The following RBFOX3 variants were observed in gnomAD, a reference collection of about 807,000 sequenced individuals.
RBFOX3 encodes RNA binding protein fox-1 homolog 3.
Under a neutral mutation model 48.7 loss-of-function variants are expected in RBFOX3, and 17 were observed. The observed-to-expected ratio is 0.35, with a 90% CI of 0.24 to 0.52. RBFOX3 has a LOEUF of 0.52. Ranked by LOEUF, RBFOX3 falls within the 20% of genes least tolerant of loss-of-function variation. The pLI is 0.94. For missense variants in RBFOX3, 382 were observed against 497.5 expected (o/e 0.77, Z 2.21); for synonymous variants, 212 against 209.5 (o/e 1.01, Z -0.10).
chr17:79,428,950 C>T (rs1231235186), intron 2 of RBFOX3, among the ~76,000 whole-genome samples: 1 of 152,216 alleles, frequency 6.6e-6, no homozygotes, highest in Non-Finnish European at 1.5e-5. Flanking sequence ...GAGTGGCTGA[C>T]TCCCTCTTTA....
intron 2 of RBFOX3, among the ~76,000 whole-genome samples, chr17:79,455,614 C>A (rs2074341478): frequency 6.6e-6 from 1 of 152,178 alleles, no homozygotes; most frequent in African/African-American, 2.4e-5. Flanking sequence ...GTCACACACT[C>A]ACATGCGCAC....
chr17:79,408,914 T>C (rs1034407336), intron 2 of RBFOX3, among the ~76,000 whole-genome samples: 6 of 152,188 alleles, frequency 3.9e-5, no homozygotes, highest in African/African-American at 1.4e-4. Context: ...ATGCAACCAC[T>C]GTCTCTATCA....
chr17:79,122,789 T>A (rs2036111596), intron 4 of RBFOX3, among the ~76,000 whole-genome samples: 1 of 152,140 alleles, frequency 6.6e-6, no homozygotes, highest in Non-Finnish European at 1.5e-5. Context: ...TAGCTAAGAT[T>A]TGGAAGCAAC....
At chr17:79,184,286 T>G (rs2052933723) in intron 4 of RBFOX3, among the ~76,000 whole-genome samples, 1 of 152,176 alleles carries the variant, frequency 6.6e-6, no homozygotes, top group African/African-American at 2.4e-5. Context: ...TTGTGGCTAC[T>G]TAGATGGGGG....
chr17:79,165,131 G>T (rs2047737079), intron 4 of RBFOX3, among the ~76,000 whole-genome samples: 1 of 152,138 alleles, frequency 6.6e-6, no homozygotes, highest in South Asian at 2.1e-4. Context: ...TGAGAGGCGG[G>T]AGACATGGGC....
At chr17:79,650,733 C>T in the RBFOX3 span, among the ~76,000 whole-genome samples, 30 of 152,212 alleles carry the variant, frequency 2.0e-4, no homozygotes, top group Admixed American at 1.4e-3. Flanking sequence ...ATAAATACAC[C>T]GACACTTAGG....
At chr17:79,316,540 G>A (rs574798895) in intron 2 of RBFOX3, among the ~76,000 whole-genome samples, 2 of 152,336 alleles carry the variant, frequency 1.3e-5, no homozygotes, top group South Asian at 2.1e-4. Flanking sequence ...CCAAACGTGA[G>A]AAAGGGAAGG....
chr17:79,524,156 A>T (rs2086492986), intron 1 of RBFOX3, among the ~76,000 whole-genome samples: 11 of 152,220 alleles, frequency 7.2e-5, no homozygotes. Context: ...ATCACAGAGC[A>T]TTCTGAAAAT....
chr17:79,412,164 A>G (rs1286942740), intron 2 of RBFOX3, among the ~76,000 whole-genome samples: 9 of 149,344 alleles, frequency 6.0e-5, no homozygotes, highest in Admixed American at 6.0e-4. Flanking sequence ...TGTGTGGTGT[A>G]AGTGTGTATG....
chr17:79,367,525 G>A (rs1335116052), intron 2 of RBFOX3, among the ~76,000 whole-genome samples: 1 of 152,074 alleles, frequency 6.6e-6, no homozygotes, highest in African/African-American at 2.4e-5. Flanking sequence ...CAGGTGTCAG[G>A]AGAGACCGAG....
At chr17:79,114,200 T>C (rs762166737) in intron 5 of RBFOX3, among the ~76,000 whole-genome samples, 3 of 152,164 alleles carry the variant, frequency 2.0e-5, no homozygotes, top group Non-Finnish European at 4.4e-5. Context: ...CATCTCTGTC[T>C]TTTCTAAGCA....
chr17:79,253,217 C>A (rs138658745), intron 3 of RBFOX3, among the ~76,000 whole-genome samples: 2 of 152,320 alleles, frequency 1.3e-5, no homozygotes, highest in Non-Finnish European at 2.9e-5. Flanking sequence ...CAAAGCCAGA[C>A]GGGGCTCATC....
chr17:79,231,173 CAG>C (rs1400660461), intron 4 of RBFOX3, among the ~76,000 whole-genome samples: 2 of 152,138 alleles, frequency 1.3e-5, no homozygotes, highest in Non-Finnish European at 2.9e-5. Context: ...AGTTATAAGA[CAG>C]AGCAATGGGG....
intron 1 of RBFOX3, among the ~76,000 whole-genome samples, chr17:79,561,409 C>G (rs2092206667): frequency 6.6e-6 from 1 of 152,106 alleles, no homozygotes; most frequent in African/African-American, 2.4e-5. Context: ...GCTCCAGTCA[C>G]CCCCAAGGAT....
intron 4 of RBFOX3, among the ~76,000 whole-genome samples, chr17:79,161,118 T>C (rs1001809208): frequency 6.6e-6 from 1 of 152,078 alleles, no homozygotes; most frequent in African/African-American, 2.4e-5. Flanking sequence ...CCTCTGCAGA[T>C]AATCTGTAGC....
intron 2 of RBFOX3, among the ~76,000 whole-genome samples, chr17:79,411,210 G>A (rs573465368): frequency 4.5e-4 from 69 of 152,204 alleles, no homozygotes; most frequent in African/African-American, 1.3e-3. Flanking sequence ...GCTTGCCTGC[G>A]CCCTGCTTTC....
chr17:79,395,644 G>A (rs1179332309), intron 2 of RBFOX3, among the ~76,000 whole-genome samples: 1 of 152,218 alleles, frequency 6.6e-6, no homozygotes, highest in East Asian at 1.9e-4. Context: ...GGGGCTTCCA[G>A]TGGGTCATCT....
intron 2 of RBFOX3, among the ~76,000 whole-genome samples, chr17:79,318,219 G>A (rs1425230020): frequency 1.3e-5 from 2 of 152,170 alleles, no homozygotes; most frequent in Non-Finnish European, 2.9e-5. Context: ...GATGCTCCGG[G>A]TGGTGTTTGC....
At position 79,220,050 on chromosome 17, in the gene RBFOX3, G is replaced by C. The variant is rs2059534066; in HGVS notation, c.-34+15716C>G. On this transcript the variant is annotated intron_variant, in intron 4 of 14. Transcript: ENST00000693108. This position sits in a 1 kb window ranked among gnomAD's most constrained non-coding sequence, Gnocchi z 5.9. ...CCGGCACCCCTGCCTGCTGGGCCCT[G>C]GGGGAAGGGTGGCATGGCCTGGGAA... Among the ~76,000 whole-genome samples, 1 of 151,662 alleles carries C rather than the reference G, an allele frequency of 6.6e-6. No homozygotes were observed. Among genetic ancestry groups the C allele is most frequent in the African/African-American group, 2.4e-5 (1 of 41,252 alleles).
Sources: gnomAD v4.1 joint callset for allele counts (sites outside exome capture counted in the v4.1 genomes callset) on GRCh38, gnomAD v4.1.1 for gene constraint, Gnocchi (gnomAD v3.1) non-coding constraint, MANE v1.5 for transcripts, NCBI Gene and HGNC (gene_info 2026-07-23, HGNC 2026-07-21) for gene names.